Variants in LMAN1 observed in about 807,000 individuals in gnomAD.
LMAN1 encodes the protein lectin, mannose binding 1, also known as protein ERGIC-53.
LMAN1 carries 32 observed loss-of-function variants against 67.8 expected under a neutral mutation model. The ratio of observed to expected loss-of-function variants is 0.47; its 90% confidence interval spans 0.36 to 0.63. The LOEUF is 0.63. Ranked by LOEUF, LMAN1 falls within the 30% of genes least tolerant of loss-of-function variation. The pLI, the probability that LMAN1 is intolerant of heterozygous loss-of-function variation, is 0.00. For missense variants in LMAN1, 632 were observed against 628.2 expected (o/e 1.01, Z -0.06); for synonymous variants, 235 against 219.3 (o/e 1.07, Z -0.63).
At chr18:59,338,077 C>G (rs1908199798) in intron 10 of LMAN1, among the ~76,000 whole-genome samples, 1 of 152,064 alleles carries the variant, frequency 6.6e-6, no homozygotes. Context: ...TGTCCAGTCT[C>G]TCTGAGAGTA....
In LMAN1 at chr18:59,354,580, T is replaced by G. The variant is rs1908617238; in HGVS notation, c.478A>C (p.Lys160Gln). The change falls in exon 4 of 13, where the codon AAA becomes CAA. Residue 160 changes from lysine to glutamine, a missense_variant and splice_region_variant. Coordinates refer to ENST00000251047, the MANE Select transcript of LMAN1 (RefSeq NM_005570.4). Reference sequence around the variant, plus strand: ...ATAATTACTATAGCAGGATTATTTTTCTAAAAAAAAGGAAAACATTTTAAA... The same window carrying G: ...ATAATTACTATAGCAGGATTATTTTGCTAAAAAAAAGGAAAACATTTTAAA... ...FFDSFDNDGK[K>Q]NNPAIVIIGN... 5 of 1,420,258 alleles carry G rather than the reference T, an allele frequency of 3.5e-6. No individual in the cohort carries two copies. The East Asian group carries it at 1.1e-4, about 32-fold the overall frequency. 88.0% of individuals were successfully genotyped at this position (1,420,258 alleles called of 1,614,324 possible).
chr18:59,331,784 A>C, intron 11 of LMAN1: 2 of 482,460 alleles, frequency 4.1e-6, no homozygotes, highest in Non-Finnish European at 7.5e-6. Flanking sequence ...TCCTGTCTGC[A>C]TTACAGTATA....
chr18:59,347,781 A>G (rs1294618500), intron 6 of LMAN1, among the ~76,000 whole-genome samples: 4 of 152,254 alleles, frequency 2.6e-5, no homozygotes, highest in Non-Finnish European at 5.9e-5. Flanking sequence ...AATAATCCAA[A>G]ACTCACTTTT....
At chr18:59,343,146 T>C (rs1205733215) in intron 8 of LMAN1, among the ~76,000 whole-genome samples, 1 of 150,486 alleles carries the variant, frequency 6.6e-6, no homozygotes, top group Non-Finnish European at 1.5e-5. Flanking sequence ...AGAGAAATGG[T>C]AGATGACACA....
In LMAN1 at chr18:59,347,567, G is replaced by C. The variant is rs775396533; in HGVS notation, c.768C>G (p.Asp256Glu). Residue 256 changes from aspartate (D) to glutamate (E), a missense_variant, in exon 7 of 13, where the codon GAC becomes GAG. Coordinates refer to ENST00000251047, the MANE Select transcript of LMAN1 (RefSeq NM_005570.4). ...ISAATGGLAD[D>E]HDVLSFLTFQ... is the part of the protein sequence containing the mutation. ...AAGTCAGAAAAGAAAGGACATCATGGTCATCTACAAATTAAAAAAAAAAAA... is the reference window on the plus strand; with the variant it reads ...AAGTCAGAAAAGAAAGGACATCATGCTCATCTACAAATTAAAAAAAAAAAA... The C allele has an allele frequency of 1.2e-6, 2 of 1,600,040 alleles. No individual in the cohort carries two copies. The highest frequency in any genetic ancestry group is 1.7e-6 in the Non-Finnish European group (2 of 1,171,872).
At position 59,359,058 on chromosome 18, in the gene LMAN1, T is replaced by G. The variant is rs1277620281; in HGVS notation, c.187A>C (p.Thr63Pro). 3 of 1,613,984 alleles carry G rather than the reference T, an allele frequency of 1.9e-6. No individual in the cohort carries two copies. Among genetic ancestry groups the G allele is most frequent in the Non-Finnish European group, 2.5e-6 (3 of 1,179,962 alleles). Residue 63 changes from threonine (T) to proline (P), a missense_variant, in exon 1 of 13, where the codon ACC becomes CCC. Physicochemically the swap from Thr to Pro is conservative, Grantham distance 38. Coordinates refer to ENST00000251047, the MANE Select transcript of LMAN1 (RefSeq NM_005570.4). ...KGPHLVQSDG[T>P]VPFWAHAGNA... ...CCCGCGTGGGCCCAGAAGGGCACGG[T>G]CCCGTCGCTCTGCACCAGGTGCGGC...
chr18:59,348,040 C>A (rs111878263), intron 6 of LMAN1, among the ~76,000 whole-genome samples: 11 of 152,208 alleles, frequency 7.2e-5, no homozygotes, highest in Admixed American at 1.3e-4. Context: ...AGAGTGCATA[C>A]CACCTTTTGT....
At chr18:59,348,142 T>C (rs2144225625) in intron 6 of LMAN1, among the ~76,000 whole-genome samples, 1 of 152,364 alleles carries the variant, frequency 6.6e-6, no homozygotes, top group Non-Finnish European at 1.5e-5. Flanking sequence ...AAGCTGTTTA[T>C]GCTAAAAGCA....
At chr18:59,357,683 A>G (rs1244112516) in intron 1 of LMAN1, among the ~76,000 whole-genome samples, 1 of 152,200 alleles carries the variant, frequency 6.6e-6, no homozygotes, top group Non-Finnish European at 1.5e-5. Context: ...ATACCTTTCA[A>G]TTACACATTA....
chr18:59,335,026 G>A (rs572313633), intron 10 of LMAN1, among the ~76,000 whole-genome samples: 6 of 152,206 alleles, frequency 3.9e-5, no homozygotes, highest in Non-Finnish European at 7.4e-5. Context: ...CAGCTAGGAC[G>A]TCCTGACAAC....
At chr18:59,343,666 A>G (rs1192658770) in intron 8 of LMAN1, among the ~76,000 whole-genome samples, 2 of 152,122 alleles carry the variant, frequency 1.3e-5, no homozygotes, top group African/African-American at 4.8e-5. Flanking sequence ...TGGATTAAAG[A>G]CCTAAACATA....
chr18:59,341,775 T>C (rs1908293824), intron 8 of LMAN1, among the ~76,000 whole-genome samples: 1 of 151,722 alleles, frequency 6.6e-6, no homozygotes, highest in South Asian at 2.1e-4. Flanking sequence ...CTCTGCAAAC[T>C]AGAAAAACAA....
chr18:59,354,806 G>C (rs1908622963), intron 3 of LMAN1, among the ~76,000 whole-genome samples: 1 of 152,130 alleles, frequency 6.6e-6, no homozygotes, highest in Non-Finnish European at 1.5e-5. Context: ...TCAACCTTAA[G>C]GCTGTTAAGC....
chr18:59,328,168 T>C lies in LMAN1; in HGVS notation c.*2925A>G, dbSNP rs960931434. ...CTGCTATTTGTGTTCTTTACAAAAA[T>C]TGTATCTCTGCAATGCAGTGAGGCA... On this transcript the variant is annotated 3_prime_UTR_variant, in exon 13 of 13. Transcript: ENST00000251047. 1.3e-4 allele frequency: 20 copies of C among 152,184 alleles called. No individual in the cohort carries two copies. The highest frequency in any genetic ancestry group is 2.9e-4 in the Non-Finnish European group (20 of 68,030). 9.4% of individuals were successfully genotyped at this position (152,184 alleles called of 1,614,324 possible). A position where few individuals can be genotyped will look rare whatever the true frequency, so the allele number is the denominator to read the frequency against.
At position 59,330,303 on chromosome 18, in the gene LMAN1, A is replaced by C. The variant is rs140624225; in HGVS notation, c.*790T>G. ...ATAAATTCCTTAAGTTACAAATATA[A>C]ATATAAAAATTATTTTCATAATATT... is the stretch of plus-strand genomic sequence containing the variant. On this transcript the variant is annotated 3_prime_UTR_variant, in exon 13 of 13. Coordinates refer to ENST00000251047, the MANE Select transcript of LMAN1 (RefSeq NM_005570.4). The C allele has an allele frequency of 8.1e-4, 124 of 152,700 alleles. 1 individual carries two copies. Among genetic ancestry groups the C allele is most frequent in the African/African-American group, 2.9e-3 (119 of 41,568 alleles). 9.5% of individuals were successfully genotyped at this position (152,700 alleles called of 1,614,324 possible). A position where few individuals can be genotyped will look rare whatever the true frequency, so the allele number is the denominator to read the frequency against.
At chr18:59,340,797 AAAAG>A (rs1412227123) in intron 8 of LMAN1, among the ~76,000 whole-genome samples, 5 of 152,230 alleles carry the variant, frequency 3.3e-5, no homozygotes, top group South Asian at 2.1e-4. Flanking sequence ...AAAGATGGAA[AAAAG>A]AAAGGAACAA....
intron 1 of LMAN1, among the ~76,000 whole-genome samples, chr18:59,357,728 T>A (rs1423922145): frequency 6.6e-6 from 1 of 152,102 alleles, no homozygotes; most frequent in Non-Finnish European, 1.5e-5. Context: ...AAAGGGTGCT[T>A]CCTATTCAGT....
Position 59,358,413 on chromosome 18 carries a change from T to C in LMAN1, c.214+618A>G, listed in dbSNP as rs1039234783. Reference sequence around the variant, plus strand: ...AAGATCAAAGACCACACCAAGTCACTGAGAGGAAAATGTGTAGTTCCAACA... The same window carrying C: ...AAGATCAAAGACCACACCAAGTCACCGAGAGGAAAATGTGTAGTTCCAACA... On this transcript the variant is annotated intron_variant, in intron 1 of 12. Transcript: ENST00000251047. Among the ~76,000 whole-genome samples, 5 of 152,216 alleles carry C rather than the reference T, an allele frequency of 3.3e-5. No individual in the cohort carries two copies. In the East Asian group the frequency reaches 9.6e-4, roughly 29 times the overall value.
At position 59,341,104 on chromosome 18, in the gene LMAN1, A is replaced by G. The variant is rs367906991; in HGVS notation, c.956-2151T>C. Among the ~76,000 whole-genome samples the G allele has an allele frequency of 1.6e-4, 25 of 151,678 alleles. 2 individuals are homozygous for G. The South Asian group carries it at 5.0e-3, about 30-fold the overall frequency. ...TGAGATAAAACAGACTTAAAAAAGA[A>G]AAGACAAAGAAGGTTATTATATAAT... On this transcript the variant is annotated intron_variant, in intron 8 of 12. Transcript: ENST00000251047.
Sources: gnomAD v4.1 joint callset for allele counts (sites outside exome capture counted in the v4.1 genomes callset) on GRCh38, gnomAD v4.1.1 for gene constraint, MANE v1.5 for transcripts, NCBI Gene and HGNC (gene_info 2026-07-23, HGNC 2026-07-21) for gene names.